Variants in RAD21 observed in about 807,000 individuals in gnomAD.
RAD21 encodes RAD21 cohesin complex component.
In RAD21, 18 loss-of-function variants were observed where a neutral mutation model predicts 71.5. The ratio of observed to expected loss-of-function variants is 0.25; its 90% CI spans 0.17 to 0.37. The LOEUF is 0.37. Among genes scored for constraint, RAD21 ranks in the 10% least tolerant of loss-of-function variants. RAD21 has a pLI of 1.00. For synonymous variants in RAD21, 248 were observed against 254.0 expected, an observed-to-expected ratio of 0.98 and a Z score of 0.22; for missense variants, 493 against 769.1, an observed-to-expected ratio of 0.64 and a Z score of 4.25.
In RAD21 at chr8:116,847,706, A is replaced by G. The variant is rs766616060; in HGVS notation, c.1705-15T>C. The G allele has an allele frequency of 2.5e-6, 4 of 1,604,400 alleles. No homozygotes were observed. In the African/African-American group the frequency reaches 4.0e-5, roughly 16 times the overall value. On this transcript the variant is annotated splice_polypyrimidine_tract_variant and intron_variant, in intron 13 of 13. Transcript: ENST00000297338. Reference sequence around the variant, plus strand: ...GCAAGAGCACGCTGAAATAAAACCAAAAAAGGGTAACTTAATCTGTATAAT... The same window carrying G: ...GCAAGAGCACGCTGAAATAAAACCAGAAAAGGGTAACTTAATCTGTATAAT...
chr8:116,848,707 C>A (rs1390105467), intron 13 of RAD21, among the ~76,000 whole-genome samples: 1 of 151,510 alleles, frequency 6.6e-6, no homozygotes, highest in Non-Finnish European at 1.5e-5. Flanking sequence ...CCATGCTTTT[C>A]CGGCTTACTC....
At chr8:116,871,967 A>C (rs1043508828) in intron 1 of RAD21, among the ~76,000 whole-genome samples, 3 of 152,218 alleles carry the variant, frequency 2.0e-5, no homozygotes, top group Non-Finnish European at 4.4e-5. Context: ...AAGTGATATG[A>C]AAAATTAATA....
intron 2 of RAD21, among the ~76,000 whole-genome samples, chr8:116,864,297 G>T (rs16889001): frequency 0.011 from 1,595 of 151,904 alleles, 16 homozygotes; most frequent in Middle Eastern, 0.051. Flanking sequence ...AAGTTCTAAG[G>T]TAACAAAAAA....
intron 1 of RAD21, among the ~76,000 whole-genome samples, chr8:116,868,917 TGCAC>T (rs74487590): frequency 0.22 from 32,882 of 150,560 alleles, 4,375 homozygotes; most frequent in South Asian, 0.47. Context: ...CCAGAAAACA[TGCAC>T]GCACGCACGC....
At chr8:116,852,421 C>T in intron 10 of RAD21, 128 bp downstream of exon 10, 1 of 1,033,742 alleles carries the variant, frequency 9.7e-7, no homozygotes, top group Non-Finnish European at 1.4e-6. Flanking sequence ...AGATCCAATG[C>T]ATTTCCCTGC....
rs1421141353 is a variant in RAD21, at chr8:116,857,488, A to T, written c.482-15T>A. Reference sequence around the variant, plus strand: ...TCCAAAATCACCTAAACAAATTTTAATTTGTCATTAGTTTAGAAAGATTAG... The same window carrying T: ...TCCAAAATCACCTAAACAAATTTTATTTTGTCATTAGTTTAGAAAGATTAG... On this transcript the variant is annotated splice_polypyrimidine_tract_variant and intron_variant, in intron 5 of 13. Coordinates refer to ENST00000297338, the MANE Select transcript of RAD21 (RefSeq NM_006265.3). 2 of 1,600,942 alleles carry T rather than the reference A, an allele frequency of 1.2e-6. No homozygotes were observed. The highest frequency in any genetic ancestry group is 2.2e-5 in the East Asian group (1 of 44,660).
intron 8 of RAD21, among the ~76,000 whole-genome samples, chr8:116,854,849 T>A (rs1027547300): frequency 3.3e-5 from 5 of 152,188 alleles, no homozygotes; most frequent in African/African-American, 2.4e-5. Flanking sequence ...ACTCACAGAT[T>A]GAGTTTTCTT....
chr8:116,847,652 G>A lies in RAD21; in HGVS notation c.1744C>T (p.Leu582Phe). The A allele has an allele frequency of 6.2e-7, 1 of 1,613,916 alleles. No homozygotes were observed. Among genetic ancestry groups the A allele is most frequent in the Admixed American group, 1.7e-5 (1 of 59,982 alleles). Residue 582 changes from leucine to phenylalanine, a missense_variant, in exon 14 of 14, where the codon CTT becomes TTT. Transcript: ENST00000297338. ...AKTGAESISL[L>F]ELCRNTNRKQ... ...CTGTTCGTATTTCGACATAACTCAA[G>A]CAAACTGATAGATTCAGCTCCAGTT...
In RAD21 at chr8:116,852,809, A is replaced by G. The variant is rs961961205; in HGVS notation, c.1162-101T>C. The G allele has an allele frequency of 8.2e-6, 7 of 854,768 alleles. No homozygotes were observed. In the African/African-American group the frequency reaches 1.2e-4, roughly 15 times the overall value. 52.9% of individuals were successfully genotyped at this position (854,768 alleles called of 1,614,324 possible). The stretch of plus-strand genomic sequence containing the variant: ...TCCAAAGGTATGTTCTAATAAATAT[A>G]AGTGTATAATTTAGCATGGCTTTTA... On this transcript the variant is annotated intron_variant, in intron 9 of 13. Coordinates refer to ENST00000297338, the MANE Select transcript of RAD21 (RefSeq NM_006265.3).
At position 116,856,172 on chromosome 8, in the gene RAD21, T is replaced by C. The variant is rs1275963541; in HGVS notation, c.931A>G (p.Ile311Val). Residue 311 changes from isoleucine (I) to valine (V), a missense_variant, in exon 8 of 14, where the codon ATA becomes GTA. This residue lies in a region of RAD21 where 42 missense variants were observed against 117.2 expected (regional missense o/e 0.36). Transcript: ENST00000297338. ...EEAFALEPIDITVKETKAKRK... is the reference protein window; with the variant it reads ...EEAFALEPIDVTVKETKAKRK... ...TAAAGGTTCATATGCTTACCAGTTA[T>C]ATCAATAGGCTCCAATGCAAATGCT... The C allele has an allele frequency of 1.2e-6, 2 of 1,609,048 alleles. No individual in the cohort carries two copies. Among genetic ancestry groups the C allele is most frequent in the South Asian group, 1.1e-5 (1 of 90,456 alleles).
rs186493289 is a variant in RAD21 at position 116,847,475 on chromosome 8, C to T, written c.*25G>A. On this transcript the variant is annotated 3_prime_UTR_variant, in exon 14 of 14. Transcript: ENST00000297338. The stretch of plus-strand genomic sequence containing the variant: ...AATTTGTAAGCACTAGTGAATCAAA[C>T]ACTAGCTATAATGCTTCTAGCTCCT... The T allele has an allele frequency of 2.4e-4, 377 of 1,568,744 alleles. No homozygotes were observed. Among genetic ancestry groups the T allele is most frequent in the Non-Finnish European group, 3.0e-4 (344 of 1,156,046 alleles).
intron 8 of RAD21, among the ~76,000 whole-genome samples, chr8:116,855,264 CTACT>C (rs1355458363): frequency 6.6e-6 from 1 of 152,152 alleles, no homozygotes; most frequent in East Asian, 1.9e-4. Context: ...TAATCTTGCT[CTACT>C]TAAAGGTAAA....
In RAD21 at chr8:116,852,744, A is replaced by G. The variant is rs752319401; in HGVS notation, c.1162-36T>C. 10 of 1,376,756 alleles carry G rather than the reference A, an allele frequency of 7.3e-6. 1 individual carries two copies. The South Asian group carries it at 1.1e-4, about 15-fold the overall frequency. 85.3% of individuals were successfully genotyped at this position (1,376,756 alleles called of 1,614,324 possible). A position where few individuals can be genotyped will look rare whatever the true frequency, so the allele number is the denominator to read the frequency against. On this transcript the variant is annotated intron_variant, in intron 9 of 13. Transcript: ENST00000297338. The stretch of plus-strand genomic sequence containing the variant: ...AAAAAAAAAGAAAAATTTCAATTAT[A>G]AAATAAATCTAATTAAAAAGTCACC...
In RAD21 at chr8:116,846,149, T is replaced by C. The variant is rs1586259328; in HGVS notation, c.*1351A>G. On this transcript the variant is annotated 3_prime_UTR_variant, in exon 14 of 14. Coordinates refer to ENST00000297338, the MANE Select transcript of RAD21 (RefSeq NM_006265.3). ...TGGTTTACAGGCACATCATATTGAA[T>C]GTAAAGCTGCAATAGCAATTTTATA... The C allele has an allele frequency of 4.3e-6, 1 of 231,430 alleles. No homozygotes were observed. Among genetic ancestry groups the C allele is most frequent in the East Asian group, 6.2e-5 (1 of 16,104 alleles). The allele number at this position is 231,430 out of a possible 1,614,324, so 14.3% of individuals were successfully genotyped here. A position where few individuals can be genotyped will look rare whatever the true frequency, so the allele number is the denominator to read the frequency against.
chr8:116,850,127 A>G (rs1812317929), intron 12 of RAD21, among the ~76,000 whole-genome samples: 1 of 152,218 alleles, frequency 6.6e-6, no homozygotes, highest in Non-Finnish European at 1.5e-5. Flanking sequence ...TTGTAAAAAG[A>G]AAAAGTCATT....
chr8:116,871,399 ACAG>A (rs1282112220), intron 1 of RAD21, among the ~76,000 whole-genome samples: 1 of 152,222 alleles, frequency 6.6e-6, no homozygotes, highest in Non-Finnish European at 1.5e-5. Context: ...CTGATGTGAA[ACAG>A]CAGAAAGATT....
Position 116,849,005 on chromosome 8 carries a change from G to C in RAD21, c.1645C>G (p.Gln549Glu), listed in dbSNP as rs1383994564. The change falls in exon 13 of 14, where the codon CAA becomes GAA. Residue 549 changes from glutamine (Q) to glutamate (E), a missense_variant. By Grantham distance (29) the Gln-to-Glu change is conservative. This residue lies in a region of RAD21 where 225 missense variants were observed against 218.3 expected (regional missense o/e 1.03). Transcript: ENST00000297338. Reference protein sequence around the residue: ...EEDEDASGGDQDQEERRWNKR... With the variant: ...EEDEDASGGDEDQEERRWNKR... ...TTCCATCTTCTTTCTTCCTGATCTT[G>C]ATCGCCCCCTGATGCATCTTCATCC... 1 of 1,598,816 alleles carries C rather than the reference G, an allele frequency of 6.3e-7. No homozygotes were observed. Among genetic ancestry groups the C allele is most frequent in the South Asian group, 1.1e-5 (1 of 88,666 alleles).
chr8:116,847,978 C>G (rs1219275180), intron 13 of RAD21, among the ~76,000 whole-genome samples: 22 of 152,186 alleles, frequency 1.4e-4, no homozygotes, highest in Admixed American at 1.4e-3. Flanking sequence ...CATGCCCTCT[C>G]TTGCCATGTG....
In RAD21 at chr8:116,861,824, T is replaced by A. The variant is rs745972772; in HGVS notation, c.374+17A>T. The A allele has an allele frequency of 1.9e-6, 3 of 1,582,152 alleles. No homozygotes were observed. The highest frequency in any genetic ancestry group is 1.4e-5 in the African/African-American group (1 of 73,950). The stretch of plus-strand genomic sequence containing the variant: ...TGCAGACCAAGTCAACAATTTTTTT[T>A]AAAAGAAGACACATACTCTAAGTCA... On this transcript the variant is annotated intron_variant, in intron 4 of 13. Coordinates refer to ENST00000297338, the MANE Select transcript of RAD21 (RefSeq NM_006265.3).
Sources: allele counts gnomAD v4.1 joint callset (sites outside exome capture counted in the v4.1 genomes callset), GRCh38; gene constraint gnomAD v4.1.1; regional missense constraint gnomAD v4.1.1; transcripts MANE v1.5; gene names NCBI Gene and HGNC (gene_info 2026-07-23, HGNC 2026-07-21).